DLGAP2: variants seen among roughly 807,000 people sequenced by gnomAD.
The protein encoded by DLGAP2 is disks large-associated protein 2.
In DLGAP2, 26 loss-of-function variants were observed where a neutral mutation model predicts 100.3. That is an observed-to-expected ratio of 0.26 (90% CI 0.19 to 0.36). DLGAP2 has a LOEUF of 0.36. DLGAP2 is among the 10% of genes least tolerant of loss of function. The pLI is 1.00. For synonymous variants in DLGAP2, 886 were observed against 630.1 expected (o/e 1.41, Z -6.08); for missense variants, 1,858 against 1,453.2 (o/e 1.28, Z -4.53).
At chr8:1,178,887 C>A (rs1035919298) in intron 2 of DLGAP2, among the ~76,000 whole-genome samples, 1 of 152,260 alleles carries the variant, frequency 6.6e-6, no homozygotes, top group South Asian at 2.1e-4. Context: ...CAGTTAGGAG[C>A]CCCCCTGCCC....
chr8:1,280,289 G>A (rs73670706), intron 3 of DLGAP2, among the ~76,000 whole-genome samples: 2,315 of 152,114 alleles, frequency 0.015, 66 homozygotes, highest in African/African-American at 0.052. Flanking sequence ...GTTTATAGCC[G>A]GGCTGTACTC....
chr8:1,159,851 G>A (rs948244026), intron 2 of DLGAP2, among the ~76,000 whole-genome samples: 1 of 152,226 alleles, frequency 6.6e-6, no homozygotes, highest in Non-Finnish European at 1.5e-5. Flanking sequence ...GCCCCCGCAG[G>A]GGTGTCTGTC....
chr8:1,526,550 G>A (rs1265370208), intron 4 of DLGAP2, among the ~76,000 whole-genome samples: 1 of 152,322 alleles, frequency 6.6e-6, no homozygotes, highest in East Asian at 1.9e-4. Context: ...AAGCAAAGCT[G>A]GTTTGTTCTC....
chr8:754,872 A>C (rs1423154519), intron 1 of DLGAP2, among the ~76,000 whole-genome samples: 1 of 152,164 alleles, frequency 6.6e-6, no homozygotes, highest in African/African-American at 2.4e-5. Flanking sequence ...GTAAGGAAGC[A>C]AGCAGTGTGC....
At chr8:754,108 G>T (rs1406302833) in intron 1 of DLGAP2, 1 of 152,268 alleles carries the variant, frequency 6.6e-6, no homozygotes, top group African/African-American at 2.4e-5. Flanking sequence ...GAGTGGTACA[G>T]CGTGGGAGGC....
At chr8:1,175,630 G>T (rs954678781) in intron 2 of DLGAP2, among the ~76,000 whole-genome samples, 2 of 152,176 alleles carry the variant, frequency 1.3e-5, no homozygotes, top group African/African-American at 4.8e-5. Context: ...TTTGGAGGGT[G>T]TTGGAATAAA....
chr8:784,020 A>G lies in DLGAP2; in HGVS notation c.18+46195A>G, dbSNP rs142438729. 1.6e-4 allele frequency among the ~76,000 whole-genome samples: 25 copies of G among 152,348 alleles called. No homozygotes were observed. In the East Asian group the frequency reaches 2.5e-3, roughly 15 times the overall value. On this transcript the variant is annotated intron_variant, in intron 1 of 14. Coordinates refer to ENST00000637795, the MANE Select transcript of DLGAP2 (RefSeq NM_001346810.2). ...GGGCCATCGCCAGAATAACACACTT[A>G]TGTTCCATCCAGGTATTAATGCAAT... is the stretch of plus-strand genomic sequence containing the variant.
At chr8:905,311 A>G (rs906092837) in intron 1 of DLGAP2, among the ~76,000 whole-genome samples, 9 of 152,036 alleles carry the variant, frequency 5.9e-5, no homozygotes, top group African/African-American at 2.2e-4. Context: ...GGGGAGAGTG[A>G]GAGGCTGGAA....
chr8:1,237,270 A>T (rs368746542), intron 2 of DLGAP2, among the ~76,000 whole-genome samples: 34 of 101,962 alleles, frequency 3.3e-4, no homozygotes, highest in East Asian at 5.8e-4. Flanking sequence ...CTATGTCTAG[A>T]TCTCTCTCAC....
At chr8:1,547,539 A>G (rs1315491814) in intron 4 of DLGAP2, among the ~76,000 whole-genome samples, 1 of 151,998 alleles carries the variant, frequency 6.6e-6, no homozygotes, top group Admixed American at 6.6e-5. Flanking sequence ...TGCCAGAAGG[A>G]GGAAGGTGTG....
At chr8:1,201,413 G>C (rs1368682983) in intron 2 of DLGAP2, among the ~76,000 whole-genome samples, 1 of 152,202 alleles carries the variant, frequency 6.6e-6, no homozygotes, top group African/African-American at 2.4e-5. Flanking sequence ...TCCCTGCAGG[G>C]CTTCAAGGAT....
chr8:1,678,339 G>C lies in DLGAP2; in HGVS notation c.2414G>C (p.Arg805Pro). 1 of 1,613,994 alleles carries C rather than the reference G, an allele frequency of 6.2e-7. No homozygotes were observed. The highest frequency in any genetic ancestry group is 8.5e-7 in the Non-Finnish European group (1 of 1,179,894). The change falls in exon 12 of 15, where the codon CGG becomes CCG. Residue 805 changes from arginine to proline, a missense_variant. Arg to Pro is a moderately radical substitution (Grantham distance 103, BLOSUM62 -2). Coordinates refer to ENST00000637795, the MANE Select transcript of DLGAP2 (RefSeq NM_001346810.2). ...CTTCAGTTCGGCTCATCCTTCCAGC[G>C]GCACTCCGAGCCCAGCACCCCCACC... ...KGLQFGSSFQ[R>P]HSEPSTPTQY...
chr8:1,620,166 A>G (rs1000459175), intron 6 of DLGAP2, among the ~76,000 whole-genome samples: 50 of 152,010 alleles, frequency 3.3e-4, no homozygotes, highest in African/African-American at 1.0e-3. Context: ...CTGCGATCTC[A>G]TTTCTGCACC....
intron 1 of DLGAP2, among the ~76,000 whole-genome samples, chr8:790,984 G>T (rs1013091223): frequency 2.0e-5 from 3 of 152,048 alleles, no homozygotes; most frequent in Non-Finnish European, 4.4e-5. Context: ...TTCAAATGAT[G>T]CACCCGCCTC....
intron 3 of DLGAP2, chr8:1,297,231 G>A (rs551255757): frequency 6.6e-6 from 1 of 152,352 alleles, no homozygotes; most frequent in South Asian, 2.1e-4. Flanking sequence ...CCAGTCACCT[G>A]TGAAAGGCAT....
intron 1 of DLGAP2, among the ~76,000 whole-genome samples, chr8:844,665 G>A (rs1234838722): frequency 6.6e-6 from 1 of 152,214 alleles, no homozygotes; most frequent in East Asian, 1.9e-4. Context: ...AGTTTTGCTT[G>A]TATTTCAACC....
intron 1 of DLGAP2, among the ~76,000 whole-genome samples, chr8:822,771 A>G (rs1428159359): frequency 6.6e-6 from 1 of 152,130 alleles, no homozygotes; most frequent in Non-Finnish European, 1.5e-5. Flanking sequence ...GTGAGATGGG[A>G]CACAGCCTTC....
intron 3 of DLGAP2, among the ~76,000 whole-genome samples, chr8:1,486,833 C>G (rs1799247397): frequency 1.3e-5 from 2 of 152,214 alleles, no homozygotes; most frequent in Admixed American, 1.3e-4. Context: ...TGCATTTATG[C>G]AGCTGCTAAT....
At chr8:1,082,549 T>A (rs1803846877) in intron 2 of DLGAP2, among the ~76,000 whole-genome samples, 2 of 152,132 alleles carry the variant, frequency 1.3e-5, no homozygotes, top group African/African-American at 4.8e-5. Context: ...GGAACACACA[T>A]GTCAAAGAAC....
Sources: allele counts gnomAD v4.1 joint callset (sites outside exome capture counted in the v4.1 genomes callset), GRCh38; gene constraint gnomAD v4.1.1; transcripts MANE v1.5; gene names NCBI Gene and HGNC (gene_info 2026-07-23, HGNC 2026-07-21).